Variants in PCDH11X observed in about 807,000 individuals in gnomAD.
The protein encoded by PCDH11X is protocadherin 11 X-linked, also known as protocadherin-11 X-linked.
Under a neutral mutation model 53.3 loss-of-function variants are expected in PCDH11X, and 18 were observed. The observed-to-expected ratio is 0.34, with a 90% CI of 0.23 to 0.50. PCDH11X has a LOEUF of 0.50. Ranked by LOEUF, PCDH11X falls within the 20% of genes least tolerant of loss-of-function variation. PCDH11X has a pLI of 0.98. For synonymous variants in PCDH11X, 279 were observed against 393.3 expected (o/e 0.71, Z 3.44); for missense variants, 570 against 1,032.4 (o/e 0.55, Z 6.14).
chrX:92,225,344 A>AG (rs1391957736), intron 7 of PCDH11X, among the ~76,000 whole-genome samples: 1 of 110,427 alleles, frequency 9.1e-6, no homozygotes, highest in Non-Finnish European at 1.9e-5. Flanking sequence ...AAAAAAAAAA[A>AG]AAGCGTTTAC....
chrX:92,009,700 C>CTTTTTT lies in PCDH11X; in HGVS notation c.3033+130443_3033+130448dup, dbSNP rs68159170. On this transcript the variant is annotated intron_variant, in intron 6 of 10. Transcript: ENST00000682573. ...CTTGATAAAAAACAGTGACTGTTGC[C>CTTTTTT]TTTTTTTTTTTTTTTTTTTTTGAGA... Among the ~76,000 whole-genome samples, 338 of 66,632 alleles carry CTTTTTT rather than the reference C, an allele frequency of 5.1e-3. 9 individuals carry two copies. Among genetic ancestry groups the CTTTTTT allele is most frequent in the African/African-American group, 0.018 (319 of 17,918 alleles). The allele number at this position is 66,632 out of a possible 115,157, so 57.9% of individuals were successfully genotyped here. A position where few individuals can be genotyped will look rare whatever the true frequency, so the allele number is the denominator to read the frequency against.
At chrX:91,792,687 A>G (rs1935595249) in intron 1 of PCDH11X, among the ~76,000 whole-genome samples, 1 of 111,855 alleles carries the variant, frequency 8.9e-6, no homozygotes, top group Non-Finnish European at 1.9e-5. Flanking sequence ...CTAAGTTACA[A>G]TTAGGTTCCA....
At chrX:91,833,545 C>T (rs1306994512) in intron 4 of PCDH11X, among the ~76,000 whole-genome samples, 1 of 111,200 alleles carries the variant, frequency 9.0e-6, no homozygotes, top group Non-Finnish European at 1.9e-5. Context: ...ACTATCATAA[C>T]TAACATATTT....
At chrX:92,069,515 T>C (rs1275890885) in intron 6 of PCDH11X, among the ~76,000 whole-genome samples, 1 of 111,276 alleles carries the variant, frequency 9.0e-6, no homozygotes, top group African/African-American at 3.3e-5. Context: ...CATTTTGTTA[T>C]TTATTTTCAA....
rs1462831297 is a variant in PCDH11X at position 92,296,308 on chromosome X, T to A, written c.3144+33165T>A. 5.4e-5 allele frequency among the ~76,000 whole-genome samples: 6 copies of A among 110,613 alleles called. No individual in the cohort carries two copies. The East Asian group carries it at 1.7e-3, about 32-fold the overall frequency. On this transcript the variant is annotated intron_variant, in intron 8 of 10. Coordinates refer to ENST00000682573, the MANE Select transcript of PCDH11X (RefSeq NM_032968.5). ...AGGTTTGTTATACAGATAAATTGCA[T>A]GTGACAGGAGTTAAATATACAGATT...
intron 6 of PCDH11X, among the ~76,000 whole-genome samples, chrX:91,899,396 G>A (rs930946481): frequency 1.0e-3 from 112 of 110,815 alleles, no homozygotes; most frequent in African/African-American, 3.4e-3. Context: ...TGTGTCCACC[G>A]ATTGAGGGTG....
At chrX:91,949,552 G>A (rs1351264715) in intron 6 of PCDH11X, among the ~76,000 whole-genome samples, 1 of 110,022 alleles carries the variant, frequency 9.1e-6, no homozygotes, top group African/African-American at 3.3e-5. Context: ...TACTTTATTA[G>A]AAGTCAAGTG....
intron 6 of PCDH11X, among the ~76,000 whole-genome samples, chrX:91,985,374 G>A (rs1451104359): frequency 8.1e-5 from 9 of 111,426 alleles, no homozygotes; most frequent in Non-Finnish European, 1.7e-4. Context: ...GTGTGGTGGC[G>A]CATGCCTATA....
chrX:92,305,853 T>A (rs1469226784), intron 8 of PCDH11X, among the ~76,000 whole-genome samples: 8 of 108,903 alleles, frequency 7.3e-5, no homozygotes, highest in Admixed American at 2.0e-4. Context: ...GAGCAAAATT[T>A]AACTAACATA....
At chrX:92,445,300 C>G (rs2072616474) in intron 9 of PCDH11X, among the ~76,000 whole-genome samples, 1 of 94,206 alleles carries the variant, frequency 1.1e-5, no homozygotes, top group South Asian at 5.7e-4. Flanking sequence ...CTGATTCAAT[C>G]TTGGAAGATT....
At chrX:92,343,375 T>A (rs1166405982) in intron 8 of PCDH11X, among the ~76,000 whole-genome samples, 1 of 111,906 alleles carries the variant, frequency 8.9e-6, no homozygotes, top group Admixed American at 9.5e-5. Flanking sequence ...ATAGCTTTAC[T>A]GAGTCGGTTT....
In PCDH11X at chrX:92,618,252, T is replaced by C. The variant is rs1928208424; in HGVS notation, c.3368-12T>C. 1 of 1,187,686 alleles carries C rather than the reference T, an allele frequency of 8.4e-7. No individual in the cohort carries two copies. The highest frequency in any genetic ancestry group is 1.8e-5 in the African/African-American group (1 of 56,423). The stretch of plus-strand genomic sequence containing the variant: ...AATATAAATTTTATTATTTTTTTCC[T>C]CACCCCAACAGCTGCAGAAATAACT... On this transcript the variant is annotated splice_polypyrimidine_tract_variant and intron_variant, in intron 10 of 10. Transcript: ENST00000682573.
At chrX:92,505,867 C>T (rs1041282820) in intron 10 of PCDH11X, among the ~76,000 whole-genome samples, 4 of 111,140 alleles carry the variant, frequency 3.6e-5, no homozygotes, top group Admixed American at 1.9e-4. Flanking sequence ...CTTGTTTTGG[C>T]GATCTTTCAC....
At chrX:92,412,028 T>TGAG (rs1234836534) in intron 9 of PCDH11X, among the ~76,000 whole-genome samples, 2 of 23,418 alleles carry the variant, frequency 8.5e-5, no homozygotes, top group Non-Finnish European at 1.6e-4. Flanking sequence ...GGAGGAGGGG[T>TGAG]GAGGAGGAGG....
chrX:92,096,120 T>C (rs1332056296), intron 6 of PCDH11X, among the ~76,000 whole-genome samples: 1 of 111,983 alleles, frequency 8.9e-6, no homozygotes, highest in East Asian at 2.8e-4. Context: ...CCCTTACATA[T>C]ATTTCTGAAG....
intron 6 of PCDH11X, among the ~76,000 whole-genome samples, chrX:92,110,485 C>T (rs905078878): frequency 2.0e-4 from 21 of 107,198 alleles, no homozygotes; most frequent in Non-Finnish European, 2.7e-4. Flanking sequence ...TTTGAGGGCT[C>T]CAAATTTAAA....
intron 8 of PCDH11X, among the ~76,000 whole-genome samples, chrX:92,341,012 TG>T (rs773914172): frequency 1.8e-5 from 2 of 111,832 alleles, no homozygotes; most frequent in South Asian, 7.5e-4. Context: ...CAGCACTTCT[TG>T]GACACTTGCT....
intron 7 of PCDH11X, among the ~76,000 whole-genome samples, chrX:92,216,903 T>C (rs1418260699): frequency 2.9e-4 from 31 of 107,745 alleles, no homozygotes; most frequent in African/African-American, 1.0e-3. Context: ...ATATTCAACA[T>C]TCTTAAAGAA....
intron 6 of PCDH11X, among the ~76,000 whole-genome samples, chrX:92,105,649 C>T (rs1388669084): frequency 9.8e-6 from 1 of 102,016 alleles, no homozygotes; most frequent in African/African-American, 3.7e-5. Flanking sequence ...TCGCAAGGTG[C>T]TCAGTGGGCA....
Sources: gnomAD v4.1 joint callset for allele counts (sites outside exome capture counted in the v4.1 genomes callset) on GRCh38, gnomAD v4.1.1 for gene constraint, MANE v1.5 for transcripts, NCBI Gene and HGNC (gene_info 2026-07-23, HGNC 2026-07-21) for gene names.